IQUB: variants seen among roughly 807,000 people sequenced by gnomAD.
IQUB encodes IQ motif and ubiquitin domain containing.
Under a neutral mutation model 86.4 loss-of-function variants are expected in IQUB, and 86 were observed. The ratio of observed to expected loss-of-function variants is 1.00; its 90% CI spans 0.84 to 1.19. The LOEUF is 1.19. Among genes scored for constraint, IQUB ranks in the 50% most tolerant of loss-of-function variants. The pLI is 0.00. For missense variants in IQUB, 946 were observed against 916.9 expected (o/e 1.03, Z -0.41); for synonymous variants, 289 against 304.5 (o/e 0.95, Z 0.53).
chr7:123,476,941 C>T (rs960368658), intron 8 of IQUB, among the ~76,000 whole-genome samples: 5 of 151,940 alleles, frequency 3.3e-5, no homozygotes, highest in Non-Finnish European at 5.9e-5. Flanking sequence ...TAAAAGAGGA[C>T]ACAAACAAAT....
rs1337388123 is a variant in IQUB, at chr7:123,452,614, A to AAAT, written c.*126_*128dup. 1.1e-4 allele frequency: 56 copies of AAAT among 519,726 alleles called. No homozygotes were observed. In the African/African-American group the frequency reaches 1.1e-3, roughly 10 times the overall value. The allele number at this position is 519,726 out of a possible 1,614,324, so 32.2% of individuals were successfully genotyped here. ...AAATGTTTTCTCTTTATATAACTCAAAATACTATGAAAAACAAAAAACAAA... is the reference window on the plus strand; with the variant it reads ...AAATGTTTTCTCTTTATATAACTCAAAATAATACTATGAAAAACAAAAAACAAA... On this transcript the variant is annotated 3_prime_UTR_variant, in exon 13 of 13. Transcript: ENST00000324698.
intron 10 of IQUB, chr7:123,462,594 A>G: frequency 5.0e-6 from 1 of 198,064 alleles, no homozygotes; most frequent in Admixed American, 5.3e-5. Context: ...CAATTCTTCG[A>G]GAGAAAAGAA....
chr7:123,461,183 G>T (rs114464393), intron 11 of IQUB, among the ~76,000 whole-genome samples, 174 bp downstream of exon 11: 2 of 151,718 alleles, frequency 1.3e-5, no homozygotes, highest in African/African-American at 4.8e-5. Flanking sequence ...GGTTATAGAG[G>T]TATAATGGTG....
At chr7:123,465,034 G>A in intron 9 of IQUB, 25 bp from the exon 10 acceptor site, 1 of 1,424,714 alleles carries the variant, frequency 7.0e-7, no homozygotes, top group South Asian at 1.3e-5. Context: ...AAAATATATG[G>A]TATAAAATTT....
chr7:123,514,286 G>A (rs1425511683), intron 1 of IQUB, among the ~76,000 whole-genome samples: 1 of 152,006 alleles, frequency 6.6e-6, no homozygotes, highest in African/African-American at 2.4e-5. Flanking sequence ...ACCTAGAATT[G>A]TGCACCCAGC....
In IQUB at chr7:123,467,550, T is replaced by A. The variant is rs140624887; in HGVS notation, c.1581+1664A>T. On this transcript the variant is annotated intron_variant, in intron 9 of 12. Transcript: ENST00000324698. ...GGATCCTGTGAGAGTCTGGGGTATG[T>A]GAAAACAAAAATTAAATCAAGTCCT... is the stretch of plus-strand genomic sequence containing the variant. Among the ~76,000 whole-genome samples, 8 of 152,260 alleles carry A rather than the reference T, an allele frequency of 5.3e-5. No individual in the cohort carries two copies. The East Asian group carries it at 1.5e-3, about 29-fold the overall frequency.
At chr7:123,510,284 T>C (rs1437721433) in intron 2 of IQUB, among the ~76,000 whole-genome samples, 1 of 152,110 alleles carries the variant, frequency 6.6e-6, no homozygotes, top group Non-Finnish European at 1.5e-5. Context: ...TAATGTTCAA[T>C]ACCTGGTATG....
intron 7 of IQUB, among the ~76,000 whole-genome samples, chr7:123,486,589 A>G (rs1795221239): frequency 6.6e-6 from 1 of 152,230 alleles, no homozygotes. Flanking sequence ...TAGGGAAAAT[A>G]ATGATAAAGG....
intron 9 of IQUB, among the ~76,000 whole-genome samples, chr7:123,468,924 A>C (rs900063821): frequency 6.6e-6 from 1 of 152,214 alleles, no homozygotes; most frequent in Non-Finnish European, 1.5e-5. Flanking sequence ...TTCACTGAAA[A>C]ATGTCAAAAT....
At position 123,478,834 on chromosome 7, in the gene IQUB, T is replaced by C. The variant is rs370790800; in HGVS notation, c.1410+961A>G. ...GGTGAGGGGGCAAGGGATGGTAAGGTGATAGGACTTAGGGTTCATCATGTC... is the reference window on the plus strand; with the variant it reads ...GGTGAGGGGGCAAGGGATGGTAAGGCGATAGGACTTAGGGTTCATCATGTC... On this transcript the variant is annotated intron_variant, in intron 8 of 12. Coordinates refer to ENST00000324698, the MANE Select transcript of IQUB (RefSeq NM_178827.5). Among the ~76,000 whole-genome samples, 257 of 152,152 alleles carry C rather than the reference T, an allele frequency of 1.7e-3. 3 individuals carry two copies. The South Asian group carries it at 0.047, about 28-fold the overall frequency.
intron 12 of IQUB, among the ~76,000 whole-genome samples, chr7:123,454,107 T>C (rs1584536938): frequency 6.6e-6 from 1 of 152,228 alleles, no homozygotes; most frequent in Admixed American, 6.5e-5. Flanking sequence ...CCTGGGCTTA[T>C]TAAAATTTCC....
At chr7:123,490,558 A>G (rs1159156651) in intron 7 of IQUB, among the ~76,000 whole-genome samples, 1 of 152,248 alleles carries the variant, frequency 6.6e-6, no homozygotes, top group Non-Finnish European at 1.5e-5. Context: ...ATGGCCATTT[A>G]TTGATCACTA....
In IQUB at chr7:123,461,977, T is replaced by G. The variant is rs866421184; in HGVS notation, c.1759-372A>C. ...TACATTAGTTATTTCTATAGCTAGATTCGCATATAAGTAAAAACCCACTAA... is the reference window on the plus strand; with the variant it reads ...TACATTAGTTATTTCTATAGCTAGAGTCGCATATAAGTAAAAACCCACTAA... On this transcript the variant is annotated intron_variant, in intron 10 of 12. Coordinates refer to ENST00000324698, the MANE Select transcript of IQUB (RefSeq NM_178827.5). Among the ~76,000 whole-genome samples the G allele has an allele frequency of 3.1e-4, 47 of 151,968 alleles. 1 individual carries two copies. Among genetic ancestry groups the G allele is most frequent in the Middle Eastern group, 3.4e-3 (1 of 294 alleles).
intron 10 of IQUB, chr7:123,462,819 T>C (rs1270282661): frequency 2.2e-6 from 1 of 455,328 alleles, no homozygotes; most frequent in African/African-American, 2.0e-5. Flanking sequence ...CATGGAAAGA[T>C]ATTCTCCACC....
At chr7:123,461,252 G>C in intron 11 of IQUB, 105 bp downstream of exon 11, 1 of 1,158,304 alleles carries the variant, frequency 8.6e-7, no homozygotes, top group Admixed American at 2.2e-5. Context: ...TAGTGGAATA[G>C]AGAGTCATTA....
chr7:123,522,316 T>G (rs1217482784), intron 1 of IQUB, among the ~76,000 whole-genome samples: 2 of 152,226 alleles, frequency 1.3e-5, no homozygotes, highest in Non-Finnish European at 2.9e-5. Flanking sequence ...CTACTTCTTT[T>G]GCATGTGTCC....
chr7:123,491,739 A>T (rs1795475526), intron 7 of IQUB, among the ~76,000 whole-genome samples: 1 of 152,210 alleles, frequency 6.6e-6, no homozygotes, highest in African/African-American at 2.4e-5. Context: ...GTCACTGTTG[A>T]ATTCCTAACA....
intron 10 of IQUB, among the ~76,000 whole-genome samples, chr7:123,463,626 A>AAGTT (rs1462580666): frequency 1.3e-4 from 19 of 151,866 alleles, no homozygotes; most frequent in African/African-American, 4.6e-4. Flanking sequence ...AAGGATTGGG[A>AAGTT]AGTTAGGGAA....
intron 1 of IQUB, among the ~76,000 whole-genome samples, chr7:123,523,493 A>C (rs1398242374): frequency 6.6e-6 from 1 of 152,036 alleles, no homozygotes; most frequent in African/African-American, 2.4e-5. Context: ...TGGCTGCATA[A>C]ATGTCTTCTT....
Sources: gnomAD v4.1 joint callset for allele counts (sites outside exome capture counted in the v4.1 genomes callset) on GRCh38, gnomAD v4.1.1 for gene constraint, MANE v1.5 for transcripts, NCBI Gene and HGNC (gene_info 2026-07-23, HGNC 2026-07-21) for gene names.